The following DCLK1 variants were observed in gnomAD, a reference collection of about 807,000 sequenced individuals.
DCLK1 encodes the protein doublecortin like kinase 1, also known as serine/threonine-protein kinase DCLK1.
A neutral mutation model predicts 86.2 loss-of-function variants in DCLK1; 16 were observed. That is an observed-to-expected ratio of 0.19 (90% CI 0.13 to 0.28). DCLK1 has a LOEUF of 0.28. Ranked by LOEUF, DCLK1 falls within the 10% of genes least tolerant of loss-of-function variation. The probability of loss-of-function intolerance (pLI) is 1.00; values close to 1 mark genes in which losing one functional copy is unlikely to be tolerated. For missense variants in DCLK1, 590 were observed against 940.2 expected, an observed-to-expected ratio of 0.63 and a Z score of 4.87; for synonymous variants, 369 against 370.5, an observed-to-expected ratio of 1.00 and a Z score of 0.05.
chr13:35,871,476 G>T, intron 4 of DCLK1, 136 bp from the exon 5 acceptor site: 1 of 745,138 alleles, frequency 1.3e-6, no homozygotes. Context: ...CTGGGTTCTT[G>T]TCTATGTCAA....
chr13:35,967,298 T>C (rs1346950124), intron 3 of DCLK1, among the ~76,000 whole-genome samples: 4 of 152,156 alleles, frequency 2.6e-5, no homozygotes, highest in African/African-American at 9.6e-5. Context: ...GGAGCCCCTC[T>C]GCCCGGCCGC....
At chr13:35,971,476 C>T (rs1879055749) in intron 3 of DCLK1, among the ~76,000 whole-genome samples, 1 of 152,156 alleles carries the variant, frequency 6.6e-6, no homozygotes, top group South Asian at 2.1e-4. Context: ...CAAAAGTCCA[C>T]AGTAGGCCAG....
chr13:36,111,856 A>G lies in DCLK1; in HGVS notation c.723+13T>C. The G allele has an allele frequency of 6.2e-6, 10 of 1,600,112 alleles. No individual in the cohort carries two copies. Among genetic ancestry groups the G allele is most frequent in the Non-Finnish European group, 8.5e-6 (10 of 1,170,318 alleles). ...GCCTTAAAGTCAAAGTCACATCACA[A>G]TATGTCTCTTACCTGTTTCCCATCC... On this transcript the variant is annotated intron_variant, in intron 3 of 16. Transcript: ENST00000360631.
chr13:35,877,325 C>A (rs1002455178), intron 4 of DCLK1, among the ~76,000 whole-genome samples: 6 of 152,322 alleles, frequency 3.9e-5, no homozygotes, highest in African/African-American at 1.4e-4. Context: ...CCTCCCCCCA[C>A]TCAGAAACAG....
chr13:35,813,568 T>G (rs2087197179), intron 11 of DCLK1, among the ~76,000 whole-genome samples: 1 of 152,056 alleles, frequency 6.6e-6, no homozygotes, highest in African/African-American at 2.4e-5. Flanking sequence ...CTAAAAATCT[T>G]CCTTAAAATA....
At position 35,803,041 on chromosome 13, in the gene DCLK1, A is replaced by G. The variant is rs576746764; in HGVS notation, c.1944+2658T>C. Among the ~76,000 whole-genome samples the G allele has an allele frequency of 3.3e-5, 5 of 152,334 alleles. No individual in the cohort carries two copies. In the South Asian group the frequency reaches 1.0e-3, roughly 32 times the overall value. On this transcript the variant is annotated intron_variant, in intron 15 of 16. Transcript: ENST00000360631. ...TCCATATTGTACCTGCCTGTTTACA[A>G]CATTACCATGTTTTCATGTGTAACA...
At chr13:35,814,499 C>A (rs1480083190) in intron 11 of DCLK1, among the ~76,000 whole-genome samples, 1 of 152,196 alleles carries the variant, frequency 6.6e-6, no homozygotes, top group African/African-American at 2.4e-5. Context: ...CATGAGCAGG[C>A]TGCAAGCGCA....
chr13:36,050,167 A>G (rs1458165914), intron 3 of DCLK1, among the ~76,000 whole-genome samples: 3 of 152,204 alleles, frequency 2.0e-5, no homozygotes, highest in Non-Finnish European at 4.4e-5. Context: ...TAATACTTTA[A>G]CATATAACTG....
At chr13:36,094,792 G>A (rs1034233221) in intron 3 of DCLK1, among the ~76,000 whole-genome samples, 4 of 152,214 alleles carry the variant, frequency 2.6e-5, no homozygotes, top group Admixed American at 1.3e-4. Flanking sequence ...TTTCGGGCCA[G>A]GAATATGATT....
intron 3 of DCLK1, among the ~76,000 whole-genome samples, chr13:36,077,272 T>G (rs1566671722): frequency 6.6e-6 from 1 of 152,198 alleles, no homozygotes; most frequent in Non-Finnish European, 1.5e-5. Context: ...CAACATATTT[T>G]GCAAACATAA....
chr13:35,990,783 C>T (rs1015827596), intron 3 of DCLK1, among the ~76,000 whole-genome samples: 8 of 127,116 alleles, frequency 6.3e-5, no homozygotes, highest in African/African-American at 2.2e-4. Flanking sequence ...GGTTTTTAAA[C>T]AGCCAACGTG....
chr13:36,043,497 T>A (rs1882768537), intron 3 of DCLK1, among the ~76,000 whole-genome samples: 1 of 151,902 alleles, frequency 6.6e-6, no homozygotes, highest in Non-Finnish European at 1.5e-5. Flanking sequence ...TGAAATAATA[T>A]AAGAAAAATT....
chr13:35,977,293 C>T (rs1202648819), intron 3 of DCLK1, among the ~76,000 whole-genome samples: 1 of 152,050 alleles, frequency 6.6e-6, no homozygotes, highest in Non-Finnish European at 1.5e-5. Flanking sequence ...GGCAAGTTTT[C>T]CCCCTGAGCA....
At chr13:36,008,759 A>G (rs1881143772) in intron 3 of DCLK1, among the ~76,000 whole-genome samples, 1 of 151,456 alleles carries the variant, frequency 6.6e-6, no homozygotes, top group Non-Finnish European at 1.5e-5. Context: ...TGGCTGGGTC[A>G]AATGGTATTT....
intron 10 of DCLK1, among the ~76,000 whole-genome samples, chr13:35,824,568 C>T (rs1190578580): frequency 2.6e-5 from 4 of 152,106 alleles, no homozygotes; most frequent in African/African-American, 4.8e-5. Context: ...TCTGGGCCTT[C>T]CTACTCCGCC....
At chr13:36,095,291 C>T (rs748305041) in intron 3 of DCLK1, among the ~76,000 whole-genome samples, 2 of 151,854 alleles carry the variant, frequency 1.3e-5, no homozygotes. Flanking sequence ...CTGCAACTTC[C>T]GCTTCCCAGG....
intron 3 of DCLK1, among the ~76,000 whole-genome samples, chr13:36,063,001 T>A (rs1400668473): frequency 2.0e-5 from 3 of 152,154 alleles, no homozygotes; most frequent in African/African-American, 7.2e-5. Context: ...GTATCTGATG[T>A]CCTTTGGTTG....
intron 5 of DCLK1, chr13:35,855,902 G>A (rs1039376078): frequency 1.4e-5 from 15 of 1,047,714 alleles, no homozygotes; most frequent in African/African-American, 5.0e-5. Flanking sequence ...TCTGAAAATC[G>A]AAATGACAAT....
chr13:35,869,222 T>C (rs558131322), intron 5 of DCLK1: 36 of 440,554 alleles, frequency 8.2e-5, no homozygotes, highest in Non-Finnish European at 1.3e-4. Flanking sequence ...CATGCAGCAA[T>C]TCCAGGATCA....
Sources: gnomAD v4.1 joint callset for allele counts (sites outside exome capture counted in the v4.1 genomes callset) on GRCh38, gnomAD v4.1.1 for gene constraint, MANE v1.5 for transcripts, NCBI Gene and HGNC (gene_info 2026-07-23, HGNC 2026-07-21) for gene names.